The following TENM3 variants were observed in gnomAD, a reference collection of about 807,000 sequenced individuals.
The protein encoded by TENM3 is teneurin-3.
In TENM3, 63 loss-of-function variants were observed where a neutral mutation model predicts 255.1. That is an observed-to-expected ratio of 0.25 (90% confidence interval 0.20 to 0.30). TENM3 has a LOEUF of 0.30. TENM3 is among the 10% of genes least tolerant of loss of function. TENM3 has a pLI of 1.00. For missense variants in TENM3, 2,929 were observed against 3,461.1 expected (o/e 0.85, Z 3.86); for synonymous variants, 1,306 against 1,322.3 (o/e 0.99, Z 0.27).
At chr4:182,545,921 T>G (rs1741396783) in intron 3 of TENM3, among the ~76,000 whole-genome samples, 1 of 152,162 alleles carries the variant, frequency 6.6e-6, no homozygotes, top group Admixed American at 6.5e-5. Context: ...CTCCAAAACT[T>G]AACCATGAAT....
chr4:182,578,125 C>A (rs753208802), intron 3 of TENM3, among the ~76,000 whole-genome samples: 5 of 151,986 alleles, frequency 3.3e-5, no homozygotes, highest in Non-Finnish European at 7.4e-5. Context: ...TGCAGGCACC[C>A]ACCACCACGC....
chr4:181,551,838 ATGTGTGTGTGTGTG>A, the TENM3 span, among the ~76,000 whole-genome samples: 8,037 of 138,752 alleles, frequency 0.058, 291 homozygotes, highest in South Asian at 0.091. Context: ...ATATATGTAT[ATGTGTGTGTGTGTG>A]TGTGTGTGTG....
chr4:181,874,198 C>T, the TENM3 span, among the ~76,000 whole-genome samples: 4 of 152,274 alleles, frequency 2.6e-5, no homozygotes, highest in South Asian at 2.1e-4. Flanking sequence ...AGATTACAGG[C>T]GTGAGCCACT....
At chr4:181,544,418 A>AAAAAAAAAAC in the TENM3 span, among the ~76,000 whole-genome samples, 1 of 140,550 alleles carries the variant, frequency 7.1e-6, no homozygotes, top group Non-Finnish European at 1.5e-5. Context: ...TAAAAAAAAA[A>AAAAAAAAAAC]AAAAAAAAAA....
chr4:181,869,632 C>A, the TENM3 span, among the ~76,000 whole-genome samples: 7 of 151,944 alleles, frequency 4.6e-5, no homozygotes, highest in African/African-American at 1.7e-4. Flanking sequence ...TAGGTACCCA[C>A]AAAAATTAAA....
chr4:182,329,814 C>T lies in TENM3; in HGVS notation c.232+5562C>T, dbSNP rs530280338. Among the ~76,000 whole-genome samples, 7 of 152,030 alleles carry T rather than the reference C, an allele frequency of 4.6e-5. No homozygotes were observed. The South Asian group carries it at 1.5e-3, about 32-fold the overall frequency. ...AAGAGAGGTTAATGGTTTTGAAGAC[C>T]AGGTAGAAGAAACAACTCAAAACAG... On this transcript the variant is annotated intron_variant, in intron 2 of 27. Coordinates refer to ENST00000511685, the MANE Select transcript of TENM3 (RefSeq NM_001080477.4).
intron 12 of TENM3, among the ~76,000 whole-genome samples, chr4:182,694,439 GA>G (rs1218955915): frequency 6.6e-6 from 1 of 152,248 alleles, no homozygotes; most frequent in Admixed American, 6.5e-5. Context: ...AAATCGTGAT[GA>G]TGAAAGAAAG....
chr4:181,577,560 A>G, the TENM3 span, among the ~76,000 whole-genome samples: 1 of 152,124 alleles, frequency 6.6e-6, no homozygotes, highest in Non-Finnish European at 1.5e-5. Flanking sequence ...TAGAACTCCT[A>G]TGAGATAGAC....
chr4:182,705,876 C>T (rs1758243881), intron 12 of TENM3, among the ~76,000 whole-genome samples: 1 of 152,158 alleles, frequency 6.6e-6, no homozygotes, highest in Non-Finnish European at 1.5e-5. Flanking sequence ...GGTTTTATCC[C>T]TAGTTCTACT....
At chr4:181,752,226 G>T in the TENM3 span, among the ~76,000 whole-genome samples, 4 of 152,132 alleles carry the variant, frequency 2.6e-5, no homozygotes, top group Admixed American at 6.6e-5. Context: ...CACCCATAAC[G>T]TAAGTTGTTG....
chr4:182,614,438 GATTAAA>G (rs2152436532), intron 4 of TENM3, among the ~76,000 whole-genome samples: 2 of 152,092 alleles, frequency 1.3e-5, no homozygotes, highest in South Asian at 4.2e-4. Context: ...GAAATCCAGT[GATTAAA>G]ATTCAAGGAA....
At chr4:182,194,065 C>G (rs181018732) in intron 1 of TENM3, among the ~76,000 whole-genome samples, 3 of 152,252 alleles carry the variant, frequency 2.0e-5, no homozygotes, top group Admixed American at 2.0e-4. Flanking sequence ...CAGGATTATG[C>G]CTTTTCTACA....
chr4:181,516,592 C>A, the TENM3 span, among the ~76,000 whole-genome samples: 1 of 151,926 alleles, frequency 6.6e-6, no homozygotes, highest in Non-Finnish European at 1.5e-5. Context: ...ACCAGCCTGA[C>A]CAACACGGAG....
chr4:182,005,042 T>C, the TENM3 span, among the ~76,000 whole-genome samples: 1 of 152,218 alleles, frequency 6.6e-6, no homozygotes, highest in Non-Finnish European at 1.5e-5. Context: ...GATGACAGAT[T>C]CTTTTGCTGT....
the TENM3 span, among the ~76,000 whole-genome samples, chr4:181,699,472 A>AAAAAAAT: frequency 1.7e-4 from 23 of 132,998 alleles, no homozygotes; most frequent in African/African-American, 6.0e-4. Flanking sequence ...AAAAAAAAAA[A>AAAAAAAT]GAAAGAAAGA....
upstream of TENM3, among the ~76,000 whole-genome samples, chr4:182,241,649 A>G (rs932786941): frequency 6.6e-6 from 1 of 151,114 alleles, no homozygotes; most frequent in Non-Finnish European, 1.5e-5. Context: ...AGCTGGGACT[A>G]CAGGCATGTG....
At chr4:181,787,296 G>A in the TENM3 span, among the ~76,000 whole-genome samples, 1 of 151,438 alleles carries the variant, frequency 6.6e-6, no homozygotes, top group Non-Finnish European at 1.5e-5. Flanking sequence ...GCCAGGCAAG[G>A]GCTGAGTTTC....
chr4:181,469,030 G>T, the TENM3 span, among the ~76,000 whole-genome samples: 1 of 151,998 alleles, frequency 6.6e-6, no homozygotes, highest in East Asian at 1.9e-4. Context: ...CTCTTTCTTT[G>T]TAAAATTAAT....
At chr4:181,850,880 C>A in the TENM3 span, among the ~76,000 whole-genome samples, 2 of 152,142 alleles carry the variant, frequency 1.3e-5, no homozygotes, top group African/African-American at 4.8e-5. Context: ...TTCCGGTTTT[C>A]TCCTTCACTC....
Sources: allele counts gnomAD v4.1 joint callset (sites outside exome capture counted in the v4.1 genomes callset), GRCh38; gene constraint gnomAD v4.1.1; transcripts MANE v1.5; gene names NCBI Gene and HGNC (gene_info 2026-07-23, HGNC 2026-07-21).